Variants in ZNF536 observed in about 807,000 individuals in gnomAD.
ZNF536 encodes the protein zinc finger protein 536.
Under a neutral mutation model 84.5 loss-of-function variants are expected in ZNF536, and 13 were observed. That is an observed-to-expected ratio of 0.15 (90% CI 0.10 to 0.24). The LOEUF is 0.24. Ranked by LOEUF, ZNF536 falls within the 10% of genes least tolerant of loss-of-function variation. The pLI is 1.00. For missense variants in ZNF536, 1,536 were observed against 1,747.5 expected (o/e 0.88, Z 2.16); for synonymous variants, 811 against 742.5 (o/e 1.09, Z -1.50).
At chr19:30,330,614 C>T (rs536486051) in intron 2 of ZNF536, among the ~76,000 whole-genome samples, 3 of 152,292 alleles carry the variant, frequency 2.0e-5, no homozygotes, top group South Asian at 2.1e-4. Context: ...CTTACTCTGA[C>T]GTTTGGGCTC....
chr19:30,376,594 T>TG lies in ZNF536; in HGVS notation c.-3+4041dup, dbSNP rs577697766. Among the ~76,000 whole-genome samples the TG allele has an allele frequency of 6.4e-4, 97 of 152,096 alleles. 4 individuals carry two copies. The South Asian group carries it at 0.018, about 29-fold the overall frequency. On this transcript the variant is annotated intron_variant, in intron 1 of 4. Transcript: ENST00000355537. ...GAATGGGCCAGGGTCTGAAGAAGAG[T>TG]GGGAAGCAGCTGTGGTGGGAGTGAG... is the stretch of plus-strand genomic sequence containing the variant.
chr19:30,344,021 G>T (rs545821246), intron 2 of ZNF536, among the ~76,000 whole-genome samples: 4 of 152,158 alleles, frequency 2.6e-5, no homozygotes, highest in African/African-American at 9.6e-5. Flanking sequence ...GCAAGCCATG[G>T]CCTGTGGTGA....
chr19:30,502,010 G>A (rs1342899625), intron 2 of ZNF536, among the ~76,000 whole-genome samples: 2 of 152,132 alleles, frequency 1.3e-5, no homozygotes, highest in Non-Finnish European at 2.9e-5. Context: ...AGGGAAACAA[G>A]GTGAGGGAAA....
At chr19:30,293,027 C>T (rs989659312) in intron 2 of ZNF536, among the ~76,000 whole-genome samples, 2 of 152,140 alleles carry the variant, frequency 1.3e-5, no homozygotes, top group Non-Finnish European at 1.5e-5. Context: ...ATTCCTTCTC[C>T]TTCATTCTTT....
chr19:30,519,744 C>T (rs2044241679), intron 2 of ZNF536, among the ~76,000 whole-genome samples: 1 of 147,340 alleles, frequency 6.8e-6, no homozygotes, highest in African/African-American at 2.7e-5. Flanking sequence ...TCCCCAACAC[C>T]ATTCATTCAT....
chr19:30,549,955 C>A (rs530723687), intron 4 of ZNF536, among the ~76,000 whole-genome samples: 2 of 152,334 alleles, frequency 1.3e-5, no homozygotes, highest in Admixed American at 6.5e-5. Context: ...CTTTCTTAAA[C>A]TTTTCTTTTA....
chr19:30,519,390 C>A (rs888687055), intron 2 of ZNF536, among the ~76,000 whole-genome samples: 4 of 152,354 alleles, frequency 2.6e-5, no homozygotes, highest in African/African-American at 9.6e-5. Flanking sequence ...GAAGACCAAG[C>A]TGACTTCTCC....
chr19:30,686,735 C>T (rs1252240772), intron 1 of ZNF536, among the ~76,000 whole-genome samples: 3 of 152,286 alleles, frequency 2.0e-5, no homozygotes, highest in East Asian at 1.9e-4. Flanking sequence ...CAGCCTTCAG[C>T]GTCGCACACT....
intron 2 of ZNF536, among the ~76,000 whole-genome samples, chr19:30,485,430 T>C (rs1027804287): frequency 9.2e-5 from 14 of 152,156 alleles, no homozygotes; most frequent in Admixed American, 8.5e-4. Flanking sequence ...GAAAAGATAC[T>C]CTGCAACCTT....
chr19:30,270,556 G>A (rs2025771393), intron 1 of ZNF536, among the ~76,000 whole-genome samples: 1 of 152,126 alleles, frequency 6.6e-6, no homozygotes, highest in Non-Finnish European at 1.5e-5. Context: ...GCAAACAGAG[G>A]TGACACCGTA....
In ZNF536 at chr19:30,336,109, A is replaced by G. The variant is rs59292479; in HGVS notation, c.-119-16259A>G. On this transcript the variant is annotated intron_variant, in intron 2 of 5. Transcript: ENST00000585628. ...GGAGGTGACCCCGCCCAGGCTGGTC[A>G]GTGCCTACTGAGCGCAGACTGTATG... 9.3e-4 allele frequency among the ~76,000 whole-genome samples: 142 copies of G among 152,362 alleles called. 2 individuals carry two copies. The East Asian group carries it at 0.025, about 27-fold the overall frequency.
chr19:30,476,978 G>A (rs1348290783), intron 2 of ZNF536, among the ~76,000 whole-genome samples: 1 of 151,858 alleles, frequency 6.6e-6, no homozygotes, highest in African/African-American at 2.4e-5. Flanking sequence ...TAATAGAGAT[G>A]GGGTCTTGCT....
intron 1 of ZNF536, among the ~76,000 whole-genome samples, chr19:30,627,520 G>A (rs1274628466): frequency 7.1e-6 from 1 of 141,322 alleles, no homozygotes; most frequent in Non-Finnish European, 1.5e-5. Context: ...CTATGCTGGA[G>A]CTGGAAGACA....
At chr19:30,586,843 A>G (rs769259070) in intron 1 of ZNF536, among the ~76,000 whole-genome samples, 1 of 152,262 alleles carries the variant, frequency 6.6e-6, no homozygotes, top group Non-Finnish European at 1.5e-5. Flanking sequence ...GTCAACTTCA[A>G]GAATCAGTTG....
At chr19:30,679,524 C>G (rs2050884830) in intron 1 of ZNF536, among the ~76,000 whole-genome samples, 1 of 152,182 alleles carries the variant, frequency 6.6e-6, no homozygotes, top group Non-Finnish European at 1.5e-5. Flanking sequence ...GTGCAGCTGT[C>G]CCCTCCCCTC....
chr19:30,647,605 T>G (rs1475359810), intron 1 of ZNF536, among the ~76,000 whole-genome samples: 1 of 152,218 alleles, frequency 6.6e-6, no homozygotes, highest in African/African-American at 2.4e-5. Flanking sequence ...AATAATTTAT[T>G]TTTCATTTTC....
intron 1 of ZNF536, among the ~76,000 whole-genome samples, chr19:30,266,149 A>G (rs906356979): frequency 6.6e-6 from 1 of 152,210 alleles, no homozygotes; most frequent in African/African-American, 2.4e-5. Context: ...CCTGGGCTCA[A>G]GCAATCCTCC....
intron 1 of ZNF536, among the ~76,000 whole-genome samples, chr19:30,437,867 A>G (rs965087986): frequency 1.3e-5 from 2 of 152,222 alleles, no homozygotes; most frequent in African/African-American, 4.8e-5. Context: ...GCCAGGGTTT[A>G]TTGATCCTCT....
chr19:30,656,738 A>C (rs1167847212), intron 1 of ZNF536, among the ~76,000 whole-genome samples: 4 of 152,044 alleles, frequency 2.6e-5, no homozygotes, highest in Admixed American at 6.5e-5. Context: ...AGCCTGGTTC[A>C]CTCCTGACAC....
Sources: gnomAD v4.1 joint callset for allele counts (sites outside exome capture counted in the v4.1 genomes callset) on GRCh38, gnomAD v4.1.1 for gene constraint, MANE v1.5 for transcripts, NCBI Gene and HGNC (gene_info 2026-07-23, HGNC 2026-07-21) for gene names.